The following FBXW10B variants were observed in gnomAD, a reference collection of about 807,000 sequenced individuals.
FBXW10B encodes F-box and WD repeat domain containing protein 10B.
the FBXW10B span, chr17:15,614,024 C>A: frequency 1.2e-6 from 2 of 1,609,828 alleles, no homozygotes; most frequent in African/African-American, 2.7e-5. Flanking sequence ...TGAATTCCTC[C>A]ATGGTTCCTC....
At chr17:15,601,508 T>C in the FBXW10B span, among the ~76,000 whole-genome samples, 4 of 151,398 alleles carry the variant, frequency 2.6e-5, no homozygotes, top group Non-Finnish European at 5.9e-5. Flanking sequence ...AGACACAAGA[T>C]CAATTTACAA....
chr17:15,592,505 A>C, the FBXW10B span, among the ~76,000 whole-genome samples: 12 of 152,124 alleles, frequency 7.9e-5, no homozygotes, highest in South Asian at 2.5e-3. Flanking sequence ...TTTTCATATA[A>C]TAGCACCCTG....
At chr17:15,606,899 G>C in the FBXW10B span, among the ~76,000 whole-genome samples, 1 of 152,148 alleles carries the variant, frequency 6.6e-6, no homozygotes, top group African/African-American at 2.4e-5. Context: ...TAAAGTAGAA[G>C]TGGACTTTGC....
chr17:15,569,611 C>A, the FBXW10B span, among the ~76,000 whole-genome samples: 1 of 151,456 alleles, frequency 6.6e-6, no homozygotes, highest in Non-Finnish European at 1.5e-5. Context: ...AGGTGCCAGT[C>A]GCTGGGCCTA....
At chr17:15,604,056 G>A in the FBXW10B span, among the ~76,000 whole-genome samples, 1 of 147,342 alleles carries the variant, frequency 6.8e-6, no homozygotes, top group Non-Finnish European at 1.5e-5. Flanking sequence ...CTCCAGCCTG[G>A]GTGACACAGT....
At chr17:15,566,904 G>C in the FBXW10B span, among the ~76,000 whole-genome samples, 267 of 151,836 alleles carry the variant, frequency 1.8e-3, 1 homozygote, top group African/African-American at 6.3e-3. Flanking sequence ...ATTGAGTAAA[G>C]AGTATATTAG....
chr17:15,615,973 A>G, the FBXW10B span: 20 of 820,288 alleles, frequency 2.4e-5, no homozygotes, highest in Non-Finnish European at 1.5e-6. Context: ...ACTTCTATGC[A>G]AAAATCTCAG....
chr17:15,605,105 A>T, the FBXW10B span: 1 of 1,506,034 alleles, frequency 6.6e-7, no homozygotes, highest in Non-Finnish European at 8.9e-7. Flanking sequence ...GTATTCTAGA[A>T]GTCAGTATCT....
the FBXW10B span, among the ~76,000 whole-genome samples, chr17:15,577,984 C>T: frequency 1.3e-5 from 2 of 148,886 alleles, no homozygotes; most frequent in Non-Finnish European, 3.0e-5. Context: ...AAGGTGAGAA[C>T]GGAGAGAGAA....
chr17:15,592,276 T>C, the FBXW10B span, among the ~76,000 whole-genome samples: 1 of 148,282 alleles, frequency 6.7e-6, no homozygotes, highest in Non-Finnish European at 1.5e-5. Context: ...TTGGATGCTG[T>C]GAGTAAAAAA....
At chr17:15,592,295 GT>G in the FBXW10B span, among the ~76,000 whole-genome samples, 31,312 of 107,520 alleles carry the variant, frequency 0.29, 4,046 homozygotes, top group East Asian at 0.46. Flanking sequence ...AATGGCCAGA[GT>G]TTTTTTTTTT....
chr17:15,594,579 T>C, the FBXW10B span: 2 of 821,366 alleles, frequency 2.4e-6, no homozygotes, highest in East Asian at 2.7e-5. Flanking sequence ...ACAGAGAAGA[T>C]GGTGGGGAAA....
At chr17:15,616,695 G>A in the FBXW10B span, among the ~76,000 whole-genome samples, 2 of 151,470 alleles carry the variant, frequency 1.3e-5, no homozygotes, top group African/African-American at 4.8e-5. Context: ...TGTAGTCCCA[G>A]CTACTCAGGA....
the FBXW10B span, among the ~76,000 whole-genome samples, chr17:15,602,839 G>C: frequency 8.2e-6 from 1 of 122,486 alleles, no homozygotes. Flanking sequence ...GTGTTAGCCA[G>C]GATGGTCTCG....
At chr17:15,590,072 C>T in the FBXW10B span, among the ~76,000 whole-genome samples, 4 of 151,552 alleles carry the variant, frequency 2.6e-5, no homozygotes, top group African/African-American at 9.7e-5. Context: ...AGGAAGCCGG[C>T]GGCGCTGCCT....
At chr17:15,610,501 C>T in the FBXW10B span, among the ~76,000 whole-genome samples, 2 of 152,112 alleles carry the variant, frequency 1.3e-5, no homozygotes, top group Non-Finnish European at 2.9e-5. Flanking sequence ...TCATGATGGC[C>T]CACTGTTTTA....
chr17:15,604,147 T>C, the FBXW10B span, among the ~76,000 whole-genome samples: 60,747 of 147,484 alleles, frequency 0.41, 15,943 homozygotes, highest in African/African-American at 0.75. Context: ...AAATGAGTTA[T>C]GATACAATCA....
the FBXW10B span, among the ~76,000 whole-genome samples, chr17:15,603,037 A>G: frequency 4.3e-5 from 6 of 140,128 alleles, no homozygotes; most frequent in East Asian, 1.3e-3. Context: ...GTCATGTGCC[A>G]CCATGCCCAG....
chr17:15,585,612 T>A, the FBXW10B span, among the ~76,000 whole-genome samples: 1 of 152,220 alleles, frequency 6.6e-6, no homozygotes, highest in African/African-American at 2.4e-5. Flanking sequence ...GCTCACAAGG[T>A]TGCCCGTGTT....
Sources: gnomAD v4.1 joint callset for allele counts (sites outside exome capture counted in the v4.1 genomes callset) on GRCh38, gnomAD v4.1.1 for gene constraint, MANE v1.5 for transcripts, NCBI Gene and HGNC (gene_info 2026-07-23, HGNC 2026-07-21) for gene names.